GKAP1: variants seen among roughly 807,000 people sequenced by gnomAD.
The protein encoded by GKAP1 is G kinase-anchoring protein 1.
Under a neutral mutation model 56.7 loss-of-function variants are expected in GKAP1, and 31 were observed. The observed-to-expected ratio is 0.55, with a 90% confidence interval of 0.41 to 0.74. The LOEUF (loss-of-function observed/expected upper bound fraction) is 0.74. Among genes scored for constraint, GKAP1 ranks in the 30% least tolerant of loss-of-function variants. The probability of loss-of-function intolerance (pLI) is 0.00; values close to 1 mark genes in which losing one functional copy is unlikely to be tolerated. For missense variants in GKAP1, 364 were observed against 402.3 expected, an observed-to-expected ratio of 0.90 and a Z score of 0.82; for synonymous variants, 151 against 138.6, an observed-to-expected ratio of 1.09 and a Z score of -0.63.
chr9:83,766,169 G>C (rs1372056069), intron 8 of GKAP1, among the ~76,000 whole-genome samples: 1 of 152,102 alleles, frequency 6.6e-6, no homozygotes, highest in African/African-American at 2.4e-5. Context: ...GTCTATAAGG[G>C]GCTTCCCCCT....
chr9:83,744,871 A>C (rs548245416), intron 10 of GKAP1, among the ~76,000 whole-genome samples: 1 of 152,326 alleles, frequency 6.6e-6, no homozygotes, highest in Admixed American at 6.5e-5. Context: ...AGAGAGAATA[A>C]GTGCTGAGCA....
At position 83,773,515 on chromosome 9, in the gene GKAP1, C is replaced by T. The variant is rs540075124; in HGVS notation, c.586-4545G>A. 7.0e-4 allele frequency among the ~76,000 whole-genome samples: 106 copies of T among 151,910 alleles called. 1 individual carries two copies. The highest frequency in any genetic ancestry group is 2.5e-3 in the African/African-American group (102 of 41,440). Reference sequence around the variant, plus strand: ...ATTTTATAGTATTTAAATTATAACTCAATACAGCTGTTTAAAAAAAAAACA... The same window carrying T: ...ATTTTATAGTATTTAAATTATAACTTAATACAGCTGTTTAAAAAAAAAACA... On this transcript the variant is annotated intron_variant, in intron 7 of 12. Transcript: ENST00000376371.
chr9:83,816,784 G>C (rs574884954), intron 2 of GKAP1, among the ~76,000 whole-genome samples: 4 of 152,156 alleles, frequency 2.6e-5, no homozygotes, highest in Non-Finnish European at 5.9e-5. Flanking sequence ...CGAAGGTAAA[G>C]AGTGAAAAAG....
Position 83,777,084 on chromosome 9 carries a change from T to C in GKAP1, c.585+3298A>G, listed in dbSNP as rs1297751468. ...ACATGATAGAAAATTCAGAAGCTTA[T>C]ACTGTAAAAAGCAGGCAGGCTATTT... On this transcript the variant is annotated intron_variant, in intron 7 of 12. Coordinates refer to ENST00000376371, the MANE Select transcript of GKAP1 (RefSeq NM_025211.4). 7.2e-5 allele frequency among the ~76,000 whole-genome samples: 11 copies of C among 152,348 alleles called. No individual in the cohort carries two copies. The East Asian group carries it at 2.1e-3, about 29-fold the overall frequency.
intron 7 of GKAP1, among the ~76,000 whole-genome samples, chr9:83,772,268 A>G (rs1943775814): frequency 6.6e-6 from 1 of 152,196 alleles, no homozygotes; most frequent in Admixed American, 6.5e-5. Flanking sequence ...TCAATGGAAC[A>G]GAATTGAGAA....
intron 4 of GKAP1, among the ~76,000 whole-genome samples, chr9:83,798,005 C>T (rs916060377): frequency 2.0e-5 from 3 of 152,138 alleles, no homozygotes; most frequent in African/African-American, 7.2e-5. Flanking sequence ...ATCCAGTATA[C>T]CAGTACCTGG....
chr9:83,772,678 A>C (rs1943782319), intron 7 of GKAP1, among the ~76,000 whole-genome samples: 5 of 152,234 alleles, frequency 3.3e-5, no homozygotes, highest in Admixed American at 3.3e-4. Context: ...CCTGGAAGAA[A>C]GTATTTGCAA....
chr9:83,787,063 T>C (rs377335801), intron 5 of GKAP1, among the ~76,000 whole-genome samples: 1 of 152,224 alleles, frequency 6.6e-6, no homozygotes, highest in African/African-American at 2.4e-5. Context: ...TTTGTTAATT[T>C]TCCTGCTTTG....
At chr9:83,794,681 A>T (rs1944214454) in intron 4 of GKAP1, among the ~76,000 whole-genome samples, 1 of 152,178 alleles carries the variant, frequency 6.6e-6, no homozygotes, top group Non-Finnish European at 1.5e-5. Context: ...CCTTAAGAAG[A>T]GATTTTTCTA....
At chr9:83,776,599 G>A (rs1398087029) in intron 7 of GKAP1, among the ~76,000 whole-genome samples, 1 of 152,112 alleles carries the variant, frequency 6.6e-6, no homozygotes, top group Admixed American at 6.6e-5. Context: ...GGGAGACTGA[G>A]GCACGAGAAT....
chr9:83,781,093 T>A (rs1417558469), intron 6 of GKAP1, among the ~76,000 whole-genome samples: 3 of 152,180 alleles, frequency 2.0e-5, no homozygotes, highest in Admixed American at 1.3e-4. Flanking sequence ...CCAGGGGCTA[T>A]GGCTCACACC....
At chr9:83,804,560 C>A (rs1944400754) in intron 3 of GKAP1, among the ~76,000 whole-genome samples, 2 of 115,528 alleles carry the variant, frequency 1.7e-5, no homozygotes, top group African/African-American at 3.6e-5. Context: ...GACGCCCCGT[C>A]CGGGAGGGAG....
intron 3 of GKAP1, among the ~76,000 whole-genome samples, chr9:83,800,403 C>G (rs1264724900): frequency 2.7e-5 from 4 of 148,814 alleles, no homozygotes; most frequent in Non-Finnish European, 5.9e-5. Flanking sequence ...GGCACAATCT[C>G]GCTCACTGTA....
At chr9:83,800,303 A>AG (rs1564211780) in intron 3 of GKAP1, among the ~76,000 whole-genome samples, 1 of 151,830 alleles carries the variant, frequency 6.6e-6, no homozygotes. Flanking sequence ...AAAAAAAAAA[A>AG]AAGTTTAGCC....
intron 3 of GKAP1, among the ~76,000 whole-genome samples, chr9:83,801,873 A>AC (rs1564212642): frequency 1.1e-4 from 16 of 151,970 alleles, no homozygotes; most frequent in African/African-American, 3.9e-4. Flanking sequence ...CTTTCCTTTA[A>AC]AGTTACTGTG....
chr9:83,806,811 A>G (rs1013947919), intron 2 of GKAP1, among the ~76,000 whole-genome samples: 2 of 152,232 alleles, frequency 1.3e-5, no homozygotes, highest in Non-Finnish European at 2.9e-5. Flanking sequence ...TACTTTAAAA[A>G]TTCACAGTCT....
intron 10 of GKAP1, among the ~76,000 whole-genome samples, chr9:83,744,523 A>T (rs1013254763): frequency 6.6e-6 from 1 of 152,226 alleles, no homozygotes; most frequent in Non-Finnish European, 1.5e-5. Flanking sequence ...TCTTCAAGGT[A>T]AAGTGCCATA....
At chr9:83,801,130 A>G (rs949556237) in intron 3 of GKAP1, among the ~76,000 whole-genome samples, 4 of 152,180 alleles carry the variant, frequency 2.6e-5, no homozygotes, top group African/African-American at 7.2e-5. Flanking sequence ...ATCCAATATG[A>G]CTGGTATCCT....
chr9:83,754,241 G>A lies in GKAP1; in HGVS notation c.739-882C>T, dbSNP rs2131244067. On this transcript the variant is annotated intron_variant, in intron 8 of 12. Transcript: ENST00000376371. The stretch of plus-strand genomic sequence containing the variant: ...ATAATGGTAGGTTACAGGACAAGTG[G>A]CTAACTGGGAAAAATCAGGTTAAAT... Among the ~76,000 whole-genome samples, 3 of 152,230 alleles carry A rather than the reference G, an allele frequency of 2.0e-5. No individual in the cohort carries two copies. The South Asian group carries it at 6.2e-4, about 32-fold the overall frequency.
Sources: allele counts gnomAD v4.1 joint callset (sites outside exome capture counted in the v4.1 genomes callset), GRCh38; gene constraint gnomAD v4.1.1; transcripts MANE v1.5; gene names NCBI Gene and HGNC (gene_info 2026-07-23, HGNC 2026-07-21).